The following WWOX variants were observed in gnomAD, a reference collection of about 807,000 sequenced individuals.
WWOX encodes the protein WW domain containing oxidoreductase.
WWOX carries 69 observed loss-of-function variants against 46.2 expected under a neutral mutation model. The ratio of observed to expected loss-of-function variants is 1.49; its 90% CI spans 1.23 to 1.82. The LOEUF (loss-of-function observed/expected upper bound fraction) is 1.82. Among genes scored for constraint, WWOX ranks in the 40% most tolerant of loss-of-function variants. The pLI is 0.00. For synonymous variants in WWOX, 359 were observed against 202.6 expected (o/e 1.77, Z -6.56); for missense variants, 919 against 542.6 (o/e 1.69, Z -6.89).
intron 5 of WWOX, among the ~76,000 whole-genome samples, chr16:78,233,786 C>G (rs2037348899): frequency 6.6e-6 from 1 of 152,098 alleles, no homozygotes; most frequent in Non-Finnish European, 1.5e-5. Context: ...CTTGGCCTCC[C>G]AAAGTGCTAG....
chr16:78,647,305 G>C (rs186299808), intron 8 of WWOX, among the ~76,000 whole-genome samples: 1 of 152,118 alleles, frequency 6.6e-6, no homozygotes, highest in Non-Finnish European at 1.5e-5. Context: ...ATGCTGGCCC[G>C]GCCCAGGCGA....
At chr16:78,896,923 A>G (rs187030623) in intron 8 of WWOX, 38 of 152,154 alleles carry the variant, frequency 2.5e-4, no homozygotes, top group African/African-American at 8.9e-4. Flanking sequence ...CCACCACCCC[A>G]GTTAAGATAT....
chr16:78,241,500 C>G (rs781253277), intron 5 of WWOX, among the ~76,000 whole-genome samples: 200 of 152,216 alleles, frequency 1.3e-3, no homozygotes, highest in Non-Finnish European at 1.9e-3. Context: ...GCCATCTCGG[C>G]TCACTGCAGA....
intron 8 of WWOX, among the ~76,000 whole-genome samples, chr16:78,855,607 C>T (rs887458984): frequency 6.6e-6 from 1 of 152,196 alleles, no homozygotes; most frequent in African/African-American, 2.4e-5. Context: ...TGTAGCCCAT[C>T]AGATTCTAGA....
intron 8 of WWOX, among the ~76,000 whole-genome samples, chr16:78,562,403 C>G (rs1167176113): frequency 6.6e-6 from 1 of 152,212 alleles, no homozygotes; most frequent in African/African-American, 2.4e-5. Context: ...TAGATTCACA[C>G]TCCAGGAATG....
At chr16:78,928,561 C>T (rs1329196205) in intron 8 of WWOX, among the ~76,000 whole-genome samples, 1 of 151,984 alleles carries the variant, frequency 6.6e-6, no homozygotes, top group Non-Finnish European at 1.5e-5. Context: ...TTTTTCGTTA[C>T]AGATATTTGA....
intron 8 of WWOX, among the ~76,000 whole-genome samples, chr16:79,008,390 T>G (rs766660225): frequency 9.2e-5 from 14 of 152,198 alleles, no homozygotes; most frequent in Non-Finnish European, 1.9e-4. Context: ...CCAACTGCGT[T>G]CAGGCCTCCA....
intron 8 of WWOX, among the ~76,000 whole-genome samples, chr16:79,112,017 C>T (rs1405447445): frequency 6.6e-6 from 1 of 152,012 alleles, no homozygotes; most frequent in Non-Finnish European, 1.5e-5. Context: ...TGGTGAATAT[C>T]CCAACAAACT....
chr16:78,819,841 C>T (rs1334832352), intron 8 of WWOX, among the ~76,000 whole-genome samples: 1 of 152,230 alleles, frequency 6.6e-6, no homozygotes, highest in African/African-American at 2.4e-5. Context: ...GTGTTTGCGC[C>T]AGTGAGACTT....
At chr16:78,380,040 G>A (rs977294284) in intron 5 of WWOX, among the ~76,000 whole-genome samples, 11 of 152,152 alleles carry the variant, frequency 7.2e-5, no homozygotes, top group Admixed American at 6.6e-5. Context: ...CCCTTATTTG[G>A]GACATGGTGT....
In WWOX at chr16:78,564,659, C is replaced by T. The variant is rs1341905064; in HGVS notation, c.1056+131907C>T. Among the ~76,000 whole-genome samples, 3 of 152,150 alleles carry T rather than the reference C, an allele frequency of 2.0e-5. No homozygotes were observed. In the East Asian group the frequency reaches 5.8e-4, roughly 29 times the overall value. ...ATCTGAGAATATTCCCTTCTTTTATCTGGCCACTCGGGAGCTCAAAAATAA... is the reference window on the plus strand; with the variant it reads ...ATCTGAGAATATTCCCTTCTTTTATTTGGCCACTCGGGAGCTCAAAAATAA... On this transcript the variant is annotated intron_variant, in intron 8 of 8. Coordinates refer to ENST00000566780, the MANE Select transcript of WWOX (RefSeq NM_016373.4).
intron 5 of WWOX, among the ~76,000 whole-genome samples, chr16:78,327,134 G>A (rs1463458073): frequency 4.6e-5 from 7 of 152,180 alleles, no homozygotes; most frequent in South Asian, 2.1e-4. Context: ...CCACACTGAA[G>A]AATCTGGTGA....
chr16:78,642,478 A>G lies in WWOX; in HGVS notation c.1056+209726A>G, dbSNP rs531259267. Among the ~76,000 whole-genome samples the G allele has an allele frequency of 2.0e-5, 3 of 152,150 alleles. No individual in the cohort carries two copies. The South Asian group carries it at 6.2e-4, about 32-fold the overall frequency. On this transcript the variant is annotated intron_variant, in intron 8 of 8. Coordinates refer to ENST00000566780, the MANE Select transcript of WWOX (RefSeq NM_016373.4). ...GAATCTGTCGACTTTACTGAGCTCC[A>G]TGTATGTGCACCAGGTCAGATTCAA...
intron 5 of WWOX, among the ~76,000 whole-genome samples, chr16:78,357,861 C>T (rs1320439168): frequency 1.3e-5 from 2 of 152,190 alleles, no homozygotes; most frequent in African/African-American, 2.4e-5. Flanking sequence ...TAACCAGTAG[C>T]AGAGCTGGGA....
At chr16:78,228,638 G>A (rs1046395764) in intron 5 of WWOX, among the ~76,000 whole-genome samples, 6 of 152,118 alleles carry the variant, frequency 3.9e-5, no homozygotes, top group African/African-American at 7.2e-5. Flanking sequence ...CACTGTATCT[G>A]GCCTAGGAAT....
At chr16:78,899,991 A>G (rs2044788949) in intron 8 of WWOX, among the ~76,000 whole-genome samples, 1 of 150,858 alleles carries the variant, frequency 6.6e-6, no homozygotes, top group African/African-American at 2.4e-5. Context: ...TAAATTCAGG[A>G]CTTTAAGCTT....
chr16:78,543,418 A>T (rs1260427302), intron 8 of WWOX, among the ~76,000 whole-genome samples: 1 of 152,192 alleles, frequency 6.6e-6, no homozygotes, highest in African/African-American at 2.4e-5. Flanking sequence ...AGCGAGAAGG[A>T]TTAAGAGGTA....
At chr16:79,017,403 C>G (rs1161736859) in intron 8 of WWOX, 1 of 120,654 alleles carries the variant, frequency 8.3e-6, no homozygotes, top group African/African-American at 3.3e-5. Context: ...GCACTCCAGC[C>G]TGGGCAACAG....
chr16:78,859,977 T>C (rs979041147), intron 8 of WWOX, among the ~76,000 whole-genome samples: 3 of 152,230 alleles, frequency 2.0e-5, no homozygotes, highest in African/African-American at 7.2e-5. Flanking sequence ...TCCAGATAGC[T>C]ATAGCAAATA....
Sources: gnomAD v4.1 joint callset for allele counts (sites outside exome capture counted in the v4.1 genomes callset) on GRCh38, gnomAD v4.1.1 for gene constraint, MANE v1.5 for transcripts, NCBI Gene and HGNC (gene_info 2026-07-23, HGNC 2026-07-21) for gene names.